GADL1: variants seen among roughly 807,000 people sequenced by gnomAD.
The protein encoded by GADL1 is acidic amino acid decarboxylase GADL1.
In GADL1, 71 loss-of-function variants were observed where a neutral mutation model predicts 69.5. The observed-to-expected ratio is 1.02, with a 90% CI of 0.84 to 1.25. The LOEUF (loss-of-function observed/expected upper bound fraction) is 1.25, where lower values mean the gene tolerates loss of function less well. Among genes scored for constraint, GADL1 ranks in the 50% most tolerant of loss-of-function variants. GADL1 has a pLI of 0.00. For missense variants in GADL1, 737 were observed against 631.8 expected (o/e 1.17, Z -1.79); for synonymous variants, 254 against 214.4 (o/e 1.18, Z -1.62).
chr3:30,787,167 C>T (rs748999224), intron 12 of GADL1, among the ~76,000 whole-genome samples: 24 of 151,886 alleles, frequency 1.6e-4, no homozygotes, highest in East Asian at 3.9e-4. Flanking sequence ...GCACATCCTG[C>T]GCATGTACCC....
In GADL1 at chr3:30,874,546, C is replaced by T. The variant is rs148706090; in HGVS notation, c.38-12781G>A. ...TTACAGATCAGTTAGCAAATGTCCT[C>T]ATGTTGAATTTGAGAGAACCAAGGT... is the stretch of plus-strand genomic sequence containing the variant. On this transcript the variant is annotated intron_variant, in intron 1 of 14. Coordinates refer to ENST00000282538, the MANE Select transcript of GADL1 (RefSeq NM_207359.3). 9.0e-3 allele frequency among the ~76,000 whole-genome samples: 1,373 copies of T among 152,018 alleles called. 13 individuals carry two copies. The highest frequency in any genetic ancestry group is 0.013 in the Non-Finnish European group (890 of 67,906).
chr3:30,808,736 C>A (rs1184556550), intron 11 of GADL1, among the ~76,000 whole-genome samples: 5 of 152,190 alleles, frequency 3.3e-5, no homozygotes, highest in Non-Finnish European at 7.3e-5. Context: ...ACCCTCTCTT[C>A]ATTTCTCTAA....
intron 11 of GADL1, among the ~76,000 whole-genome samples, chr3:30,815,967 A>G (rs922334678): frequency 7.2e-5 from 11 of 152,146 alleles, no homozygotes; most frequent in African/African-American, 2.4e-4. Context: ...TTCTGTATTC[A>G]GGTTCCTCGT....
intron 1 of GADL1, among the ~76,000 whole-genome samples, chr3:30,863,502 A>T (rs761813054): frequency 2.0e-4 from 31 of 152,168 alleles, no homozygotes; most frequent in Admixed American, 5.2e-4. Context: ...TAATTCTGGC[A>T]ACTCAATCCA....
chr3:30,821,279 T>C (rs971261837), intron 11 of GADL1, among the ~76,000 whole-genome samples: 13 of 152,058 alleles, frequency 8.5e-5, no homozygotes, highest in Non-Finnish European at 1.8e-4. Flanking sequence ...TGTATACATA[T>C]GTAACTAACC....
intron 14 of GADL1, among the ~76,000 whole-genome samples, chr3:30,754,067 CTAAAT>C (rs1237881667): frequency 8.5e-5 from 13 of 152,292 alleles, no homozygotes; most frequent in Admixed American, 7.2e-4. Context: ...AAATAGTAAA[CTAAAT>C]TAGTCACACA....
At chr3:30,829,731 G>GT (rs1238216234) in intron 11 of GADL1, among the ~76,000 whole-genome samples, 3 of 151,672 alleles carry the variant, frequency 2.0e-5, no homozygotes, top group Non-Finnish European at 2.9e-5. Flanking sequence ...ATATTAGTGG[G>GT]TTTTTTTTCC....
At chr3:30,848,340 G>T (rs1449943966) in intron 6 of GADL1, among the ~76,000 whole-genome samples, 2 of 152,188 alleles carry the variant, frequency 1.3e-5, no homozygotes, top group Non-Finnish European at 2.9e-5. Context: ...AGTGCTGAAA[G>T]ATCCAGAGCA....
At chr3:30,828,860 G>A (rs1697738153) in intron 11 of GADL1, among the ~76,000 whole-genome samples, 1 of 151,920 alleles carries the variant, frequency 6.6e-6, no homozygotes, top group South Asian at 2.1e-4. Flanking sequence ...AATTTAAAAA[G>A]CATTATGAAA....
intron 14 of GADL1, among the ~76,000 whole-genome samples, chr3:30,762,254 T>A (rs1036810551): frequency 6.6e-6 from 1 of 152,084 alleles, no homozygotes; most frequent in Non-Finnish European, 1.5e-5. Flanking sequence ...GTTGAGAAGG[T>A]TCATGGCAGT....
intron 12 of GADL1, chr3:30,799,901 C>G (rs902962485): frequency 2.0e-5 from 3 of 152,294 alleles, no homozygotes; most frequent in Non-Finnish European, 4.4e-5. Context: ...GCTCCAGTTC[C>G]CAACAAGTTC....
At chr3:30,872,161 C>CA (rs1387131064) in intron 1 of GADL1, among the ~76,000 whole-genome samples, 1 of 151,884 alleles carries the variant, frequency 6.6e-6, no homozygotes, top group Non-Finnish European at 1.5e-5. Context: ...AACACTTATG[C>CA]AATTGGGCTC....
chr3:30,740,139 G>A (rs112411632), intron 14 of GADL1, among the ~76,000 whole-genome samples: 1 of 152,252 alleles, frequency 6.6e-6, no homozygotes, highest in African/African-American at 2.4e-5. Context: ...AAGCAGGCAG[G>A]ACCCACCTCT....
chr3:30,806,939 A>G (rs977923999), intron 11 of GADL1, among the ~76,000 whole-genome samples: 1 of 152,216 alleles, frequency 6.6e-6, no homozygotes, highest in Non-Finnish European at 1.5e-5. Context: ...CTTCATTACT[A>G]ATCTGGCAGA....
intron 13 of GADL1, among the ~76,000 whole-genome samples, chr3:30,784,850 G>A (rs184937688): frequency 4.0e-4 from 61 of 152,218 alleles, no homozygotes; most frequent in Non-Finnish European, 6.2e-4. Flanking sequence ...CACCTGCTCT[G>A]GTCTCTGCCC....
At position 30,861,769 on chromosome 3, in the gene GADL1, G is replaced by GAAGC; in HGVS notation, c.38-8_38-5dup. 6.5e-7 allele frequency: 1 copy of GAAGC among 1,537,358 alleles called. No individual in the cohort carries two copies. The highest frequency in any genetic ancestry group is 8.8e-7 in the Non-Finnish European group (1 of 1,138,896). On this transcript the variant is annotated splice_polypyrimidine_tract_variant and splice_region_variant and intron_variant, in intron 1 of 14. Coordinates refer to ENST00000282538, the MANE Select transcript of GADL1 (RefSeq NM_207359.3). ...ATCTCTTGTTGATCAATATCTCCTGGAAGCAAGCAAACAAATTGTGTTTGA... is the reference window on the plus strand; with the variant it reads ...ATCTCTTGTTGATCAATATCTCCTGGAAGCAAGCAAGCAAACAAATTGTGTTTGA...
At chr3:30,795,096 G>A (rs1697005874) in intron 12 of GADL1, among the ~76,000 whole-genome samples, 1 of 152,130 alleles carries the variant, frequency 6.6e-6, no homozygotes, top group African/African-American at 2.4e-5. Context: ...CTTTGCTGGA[G>A]TTATCTACTG....
At chr3:30,831,103 C>T (rs1697783059) in intron 11 of GADL1, among the ~76,000 whole-genome samples, 1 of 151,848 alleles carries the variant, frequency 6.6e-6, no homozygotes, top group Non-Finnish European at 1.5e-5. Flanking sequence ...ATTCTTGTTC[C>T]CCTCCAATTC....
intron 11 of GADL1, among the ~76,000 whole-genome samples, chr3:30,828,525 T>C (rs1035458425): frequency 2.0e-5 from 3 of 151,128 alleles, no homozygotes; most frequent in African/African-American, 7.3e-5. Context: ...TCCTCTAGAA[T>C]GAAGATGAAA....
Sources: gnomAD v4.1 joint callset for allele counts (sites outside exome capture counted in the v4.1 genomes callset) on GRCh38, gnomAD v4.1.1 for gene constraint, MANE v1.5 for transcripts, NCBI Gene and HGNC (gene_info 2026-07-23, HGNC 2026-07-21) for gene names.